The following BMP7 variants were observed in gnomAD, a reference collection of about 807,000 sequenced individuals.
BMP7 encodes the protein bone morphogenetic protein 7.
In BMP7, 12 loss-of-function variants were observed where a neutral mutation model predicts 41.2. That is an observed-to-expected ratio of 0.29 (90% CI 0.19 to 0.47). The LOEUF is 0.47. Among genes scored for constraint, BMP7 ranks in the 20% least tolerant of loss-of-function variants. BMP7 has a pLI of 0.99. For synonymous variants in BMP7, 248 were observed against 250.0 expected (o/e 0.99, Z 0.07); for missense variants, 467 against 606.0 (o/e 0.77, Z 2.41).
intron 1 of BMP7, among the ~76,000 whole-genome samples, chr20:57,237,818 T>C (rs1359795033): frequency 6.6e-6 from 1 of 152,186 alleles, no homozygotes; most frequent in Non-Finnish European, 1.5e-5. Flanking sequence ...TGCCCCAGCA[T>C]GGACGTGAGA....
intron 3 of BMP7, among the ~76,000 whole-genome samples, chr20:57,184,608 T>C (rs1984168074): frequency 6.6e-6 from 1 of 152,082 alleles, no homozygotes; most frequent in African/African-American, 2.4e-5. Flanking sequence ...TCCTCTAAAA[T>C]TCACACCCAC....
chr20:57,200,708 T>A (rs1325957716), intron 3 of BMP7, among the ~76,000 whole-genome samples: 1 of 152,078 alleles, frequency 6.6e-6, no homozygotes, highest in Non-Finnish European at 1.5e-5. Context: ...AGCAGGAGAA[T>A]CGCTTGAACC....
At chr20:57,239,896 G>C (rs1382931523) in intron 1 of BMP7, among the ~76,000 whole-genome samples, 1 of 152,198 alleles carries the variant, frequency 6.6e-6, no homozygotes, top group Non-Finnish European at 1.5e-5. Flanking sequence ...ACACAGCAGG[G>C]GGACCCAGAG....
chr20:57,192,858 G>T (rs1343432850), intron 3 of BMP7, among the ~76,000 whole-genome samples: 2 of 151,922 alleles, frequency 1.3e-5, no homozygotes, highest in African/African-American at 4.8e-5. Flanking sequence ...ATTCTTTGTT[G>T]TTTGTCTAAA....
chr20:57,184,041 A>G (rs1984153948), intron 3 of BMP7, 122 bp from the exon 4 acceptor site: 1 of 1,168,226 alleles, frequency 8.6e-7, no homozygotes, highest in Non-Finnish European at 1.2e-6. Flanking sequence ...CCATCCAGTA[A>G]GTATTTATTG....
At chr20:57,251,224 G>A (rs1376774162) in intron 1 of BMP7, among the ~76,000 whole-genome samples, 1 of 152,214 alleles carries the variant, frequency 6.6e-6, no homozygotes, top group Non-Finnish European at 1.5e-5. Flanking sequence ...CTTCACAGCA[G>A]CCCAGGAGAC....
intron 3 of BMP7, among the ~76,000 whole-genome samples, chr20:57,192,242 A>G (rs1984381717): frequency 7.6e-6 from 1 of 131,712 alleles, no homozygotes; most frequent in African/African-American, 2.9e-5. Context: ...ATAATAGTAT[A>G]TAGCATATAT....
At chr20:57,264,666 G>C (rs1244355868) in intron 1 of BMP7, among the ~76,000 whole-genome samples, 1 of 152,182 alleles carries the variant, frequency 6.6e-6, no homozygotes, top group African/African-American at 2.4e-5. Context: ...CCTGTGGTTT[G>C]CGCGCCACAC....
chr20:57,256,513 G>A (rs1372454153), intron 1 of BMP7, among the ~76,000 whole-genome samples: 1 of 152,198 alleles, frequency 6.6e-6, no homozygotes, highest in Admixed American at 6.5e-5. Flanking sequence ...TTTGGCCCAT[G>A]AAATGTGAGC....
chr20:57,240,133 T>C (rs765018918), intron 1 of BMP7, among the ~76,000 whole-genome samples: 3 of 152,246 alleles, frequency 2.0e-5, no homozygotes, highest in Non-Finnish European at 4.4e-5. Context: ...TCTGAACTTT[T>C]ATGCTTTGTT....
chr20:57,175,502 C>T (rs1168322642), intron 4 of BMP7, among the ~76,000 whole-genome samples: 1 of 152,178 alleles, frequency 6.6e-6, no homozygotes. Context: ...ATCACCACCA[C>T]CAGCAAGAAG....
intron 1 of BMP7, among the ~76,000 whole-genome samples, chr20:57,231,365 C>T (rs572467703): frequency 7.9e-5 from 12 of 152,338 alleles, no homozygotes; most frequent in African/African-American, 2.9e-4. Context: ...CTGCTATGAA[C>T]ATCACAGGAC....
At chr20:57,218,882 G>T (rs1025463930) in intron 2 of BMP7, among the ~76,000 whole-genome samples, 1 of 150,010 alleles carries the variant, frequency 6.7e-6, no homozygotes, top group Non-Finnish European at 1.5e-5. Flanking sequence ...GGTGGTAGCT[G>T]GTGTTTGGTG....
intron 6 of BMP7, 91 bp downstream of exon 6, chr20:57,173,109 A>T: frequency 7.4e-7 from 1 of 1,343,584 alleles, no homozygotes; most frequent in Non-Finnish European, 1.1e-6. Flanking sequence ...GCTGACATCT[A>T]CTCAGGCCCC....
chr20:57,207,555 T>C (rs947844312), intron 2 of BMP7, among the ~76,000 whole-genome samples: 1 of 152,130 alleles, frequency 6.6e-6, no homozygotes, highest in Non-Finnish European at 1.5e-5. Flanking sequence ...AACCATCCAG[T>C]GAGAGGGACT....
At chr20:57,220,199 A>G (rs1985156747) in intron 2 of BMP7, among the ~76,000 whole-genome samples, 1 of 152,230 alleles carries the variant, frequency 6.6e-6, no homozygotes, top group African/African-American at 2.4e-5. Flanking sequence ...CAAAGGAAGA[A>G]GCAGGGTTTG....
intron 3 of BMP7, among the ~76,000 whole-genome samples, chr20:57,192,702 GTTTAATAGTTTTT>G (rs964417305): frequency 6.7e-6 from 1 of 150,358 alleles, no homozygotes; most frequent in African/African-American, 2.5e-5. Context: ...TTTAGCAGAG[GTTTAATAGTTTTT>G]TTTTAAAGCC....
intron 2 of BMP7, among the ~76,000 whole-genome samples, chr20:57,221,865 TG>T (rs914735085): frequency 3.4e-5 from 5 of 149,210 alleles, no homozygotes; most frequent in African/African-American, 1.2e-4. Context: ...GGTGTCTCCA[TG>T]GGGGGTTGTT....
In BMP7 at chr20:57,261,410, A is replaced by G. The variant is rs989236312; in HGVS notation, c.418+4295T>C. ...AACCAAAACCAAAAACAGCCACCCA[A>G]GTTGGCATCCAGGGCTCAGCCTTAC... On this transcript the variant is annotated intron_variant, in intron 1 of 6. Coordinates refer to ENST00000395863, the MANE Select transcript of BMP7 (RefSeq NM_001719.3). This position sits in a 1 kb window ranked among gnomAD's most constrained non-coding sequence, Gnocchi z 4.1. 1.2e-4 allele frequency among the ~76,000 whole-genome samples: 18 copies of G among 152,208 alleles called. No homozygotes were observed. The highest frequency in any genetic ancestry group is 4.3e-4 in the African/African-American group (18 of 41,440).
Sources: gnomAD v4.1 joint callset for allele counts (sites outside exome capture counted in the v4.1 genomes callset) on GRCh38, gnomAD v4.1.1 for gene constraint, Gnocchi (gnomAD v3.1) non-coding constraint, MANE v1.5 for transcripts, NCBI Gene and HGNC (gene_info 2026-07-23, HGNC 2026-07-21) for gene names.